Variants in CIMIP5 observed in about 807,000 individuals in gnomAD.
The protein encoded by CIMIP5 is ciliary microtubule inner protein 5.
the CIMIP5 span, chr2:11,143,870 G>A: frequency 5.5e-6 from 8 of 1,448,236 alleles, no homozygotes; most frequent in Non-Finnish European, 7.4e-6. Context: ...CCATTCTAAG[G>A]TCCTCCTTTT....
chr2:11,139,580 C>T, the CIMIP5 span, among the ~76,000 whole-genome samples: 1 of 152,182 alleles, frequency 6.6e-6, no homozygotes, highest in African/African-American at 2.4e-5. Context: ...GATGTGAAAA[C>T]TTTTTTCTTC....
At chr2:11,151,814 A>C in the CIMIP5 span, among the ~76,000 whole-genome samples, 1 of 152,204 alleles carries the variant, frequency 6.6e-6, no homozygotes, top group Non-Finnish European at 1.5e-5. Flanking sequence ...TTTTGTTTTT[A>C]GTAGAGACGG....
chr2:11,137,698 A>C, the CIMIP5 span, among the ~76,000 whole-genome samples: 1 of 152,174 alleles, frequency 6.6e-6, no homozygotes, highest in African/African-American at 2.4e-5. Context: ...ATTAACAAGA[A>C]AGTGAGACAT....
At chr2:11,141,448 A>G in the CIMIP5 span, among the ~76,000 whole-genome samples, 1 of 151,968 alleles carries the variant, frequency 6.6e-6, no homozygotes, top group African/African-American at 2.4e-5. Context: ...TCTTTTATCT[A>G]TGCCTTTGGG....
the CIMIP5 span, among the ~76,000 whole-genome samples, chr2:11,137,271 GC>G: frequency 6.6e-6 from 1 of 152,170 alleles, no homozygotes; most frequent in East Asian, 1.9e-4. Context: ...TACTCAGGAG[GC>G]TGACGCAGGG....
At chr2:11,143,814 G>C in the CIMIP5 span, 1 of 963,528 alleles carries the variant, frequency 1.0e-6, no homozygotes, top group African/African-American at 1.7e-5. Flanking sequence ...GAATCACCTG[G>C]AGATGCTTCA....
At chr2:11,151,568 A>C in the CIMIP5 span, among the ~76,000 whole-genome samples, 1 of 152,188 alleles carries the variant, frequency 6.6e-6, no homozygotes, top group East Asian at 1.9e-4. Flanking sequence ...ATTGGAGCTT[A>C]ATTATTACTC....
At chr2:11,152,061 C>G in the CIMIP5 span, among the ~76,000 whole-genome samples, 37,013 of 152,128 alleles carry the variant, frequency 0.24, 4,866 homozygotes, top group East Asian at 0.48. Flanking sequence ...CTTCTGTTCC[C>G]GAGCGGGGAT....
At chr2:11,144,153 G>T in the CIMIP5 span, 4 of 1,505,314 alleles carry the variant, frequency 2.7e-6, no homozygotes, top group Admixed American at 6.4e-5. Context: ...GTGGGTGTGG[G>T]TGGGGACAAG....
At chr2:11,143,041 C>T in the CIMIP5 span, among the ~76,000 whole-genome samples, 479 of 152,236 alleles carry the variant, frequency 3.1e-3, 4 homozygotes, top group African/African-American at 0.011. Context: ...TGCATGCATC[C>T]GTTACAGAGT....
At chr2:11,149,501 T>G in the CIMIP5 span, among the ~76,000 whole-genome samples, 1 of 151,574 alleles carries the variant, frequency 6.6e-6, no homozygotes, top group Non-Finnish European at 1.5e-5. Flanking sequence ...AGCTCAGGAG[T>G]TTGAGACCAG....
At chr2:11,138,105 G>A in the CIMIP5 span, among the ~76,000 whole-genome samples, 12 of 152,128 alleles carry the variant, frequency 7.9e-5, no homozygotes, top group Admixed American at 3.3e-4. Context: ...CGGCCTCCCA[G>A]AGTGCTGGGA....
chr2:11,150,710 T>G, the CIMIP5 span, among the ~76,000 whole-genome samples: 185 of 151,712 alleles, frequency 1.2e-3, 1 homozygote, highest in South Asian at 0.015. Flanking sequence ...CCAAAATCAC[T>G]AAGCTAAGGG....
chr2:11,143,794 A>C, the CIMIP5 span: 3 of 834,356 alleles, frequency 3.6e-6, no homozygotes, highest in South Asian at 8.6e-5. Flanking sequence ...CCCAAGTCCA[A>C]ACCAGGATTG....
At chr2:11,133,525 A>G in the CIMIP5 span, 558 of 1,608,344 alleles carry the variant, frequency 3.5e-4, no homozygotes, top group Non-Finnish European at 4.6e-4. Context: ...GCTGCCTGCG[A>G]TGGCGTGCAG....
chr2:11,136,228 C>T, the CIMIP5 span, among the ~76,000 whole-genome samples: 1 of 152,142 alleles, frequency 6.6e-6, no homozygotes, highest in African/African-American at 2.4e-5. Context: ...AAGCTTCTTC[C>T]TATGTTTTTG....
the CIMIP5 span, among the ~76,000 whole-genome samples, chr2:11,137,227 G>C: frequency 6.6e-6 from 1 of 152,072 alleles, no homozygotes; most frequent in Admixed American, 6.6e-5. Flanking sequence ...ACAAAAATTA[G>C]CCAGGCATGG....
At chr2:11,142,266 CAAAAAAAAAAAA>C in the CIMIP5 span, among the ~76,000 whole-genome samples, 1 of 84,648 alleles carries the variant, frequency 1.2e-5, no homozygotes, top group Non-Finnish European at 2.4e-5. Flanking sequence ...AATTCAGTCT[CAAAAAAAAAAAA>C]AAAAAAAAAG....
At chr2:11,153,848 C>G in the CIMIP5 span, among the ~76,000 whole-genome samples, 1,861 of 151,336 alleles carry the variant, frequency 0.012, 32 homozygotes, top group African/African-American at 0.043. Flanking sequence ...CACTTGAACC[C>G]CGGAGGTGGA....
Sources: allele counts gnomAD v4.1 joint callset (sites outside exome capture counted in the v4.1 genomes callset), GRCh38; gene constraint gnomAD v4.1.1; transcripts MANE v1.5; gene names NCBI Gene and HGNC (gene_info 2026-07-23, HGNC 2026-07-21).